The following NBAS variants were observed in gnomAD, a reference collection of about 807,000 sequenced individuals.
NBAS encodes NBAS subunit of NRZ tethering complex.
A neutral mutation model predicts 302.5 loss-of-function variants in NBAS; 219 were observed. The ratio of observed to expected loss-of-function variants is 0.72; its 90% CI spans 0.65 to 0.81. The LOEUF (loss-of-function observed/expected upper bound fraction) is 0.81. Ranked by LOEUF, NBAS falls within the 30% of genes least tolerant of loss-of-function variation. The probability of loss-of-function intolerance (pLI) is 0.00; values close to 1 mark genes in which losing one functional copy is unlikely to be tolerated. For missense variants in NBAS, 2,932 were observed against 2,841.6 expected, an observed-to-expected ratio of 1.03 and a Z score of -0.72; for synonymous variants, 1,118 against 1,021.6, an observed-to-expected ratio of 1.09 and a Z score of -1.80.
the NBAS span, among the ~76,000 whole-genome samples, chr2:14,904,819 G>A: frequency 6.6e-6 from 1 of 152,222 alleles, no homozygotes; most frequent in Non-Finnish European, 1.5e-5. Context: ...GGAGGCCGAG[G>A]CAGGCGGATC....
Position 15,210,518 on chromosome 2 carries a change from T to C in NBAS, c.6432+8255A>G, listed in dbSNP as rs530957406. ...AGAAAAAGGAATCCTCATGCACTAT[T>C]GGTTGGAATGTAAATTAGTACAAAA... On this transcript the variant is annotated intron_variant, in intron 48 of 51. Transcript: ENST00000281513. 4.6e-5 allele frequency among the ~76,000 whole-genome samples: 7 copies of C among 152,276 alleles called. No homozygotes were observed. The East Asian group carries it at 5.8e-4, about 13-fold the overall frequency.
the NBAS span, among the ~76,000 whole-genome samples, chr2:14,908,645 A>G: frequency 1.3e-5 from 2 of 152,206 alleles, no homozygotes; most frequent in Non-Finnish European, 2.9e-5. Context: ...GGAGCATGTG[A>G]CAATTAACAT....
At chr2:15,263,649 T>C (rs1668947444) in intron 44 of NBAS, among the ~76,000 whole-genome samples, 1 of 152,144 alleles carries the variant, frequency 6.6e-6, no homozygotes, top group Admixed American at 6.6e-5. Context: ...TGTTCCCATC[T>C]TTCTAATATT....
At chr2:15,310,043 T>C (rs756719956) in intron 38 of NBAS, among the ~76,000 whole-genome samples, 2 of 152,204 alleles carry the variant, frequency 1.3e-5, no homozygotes, top group South Asian at 2.1e-4. Flanking sequence ...AAGGGGATAG[T>C]ATACGAATAA....
the NBAS span, among the ~76,000 whole-genome samples, chr2:15,002,325 G>A: frequency 2.6e-5 from 4 of 152,218 alleles, no homozygotes; most frequent in East Asian, 5.8e-4. Context: ...ACACAGTGTC[G>A]ATTGGTGCAT....
the NBAS span, among the ~76,000 whole-genome samples, chr2:14,996,727 G>T: frequency 1.3e-5 from 2 of 152,200 alleles, no homozygotes; most frequent in Non-Finnish European, 2.9e-5. Context: ...CTTCCAAAGG[G>T]CAGGAAAGCA....
intron 38 of NBAS, 133 bp downstream of exon 38, chr2:15,327,617 G>T: frequency 2.9e-6 from 3 of 1,044,474 alleles, no homozygotes; most frequent in Non-Finnish European, 4.3e-6. Context: ...ATGAACGAAT[G>T]ATGATGTCAA....
At chr2:15,171,987 CTT>C (rs1004180321) in intron 51 of NBAS, among the ~76,000 whole-genome samples, 9 of 152,164 alleles carry the variant, frequency 5.9e-5, no homozygotes, top group African/African-American at 1.2e-4. Context: ...GTCTGTGGTA[CTT>C]TGTTAGGGTA....
intron 38 of NBAS, among the ~76,000 whole-genome samples, chr2:15,319,280 C>A (rs977260560): frequency 5.3e-5 from 8 of 152,184 alleles, no homozygotes; most frequent in Middle Eastern, 3.4e-3. Context: ...GCACTAAATG[C>A]CCACAAGAGA....
At chr2:15,555,078 ACAAAATAGGATTC>A (rs1664585437) in intron 3 of NBAS, among the ~76,000 whole-genome samples, 1 of 152,070 alleles carries the variant, frequency 6.6e-6, no homozygotes, top group Non-Finnish European at 1.5e-5. Context: ...ATCAGAAAAC[ACAAAATAGGATTC>A]CAAAATGTTA....
intron 9 of NBAS, among the ~76,000 whole-genome samples, chr2:15,517,930 A>C (rs1662478247): frequency 6.6e-6 from 1 of 152,188 alleles, no homozygotes; most frequent in African/African-American, 2.4e-5. Context: ...GTTTCTACTG[A>C]ATGTGTATTG....
At chr2:15,309,893 G>A (rs1671201022) in intron 38 of NBAS, among the ~76,000 whole-genome samples, 2 of 152,236 alleles carry the variant, frequency 1.3e-5, no homozygotes, top group South Asian at 4.1e-4. Flanking sequence ...AATACGGTCT[G>A]TGTTTGTACA....
At chr2:15,452,085 AG>A (rs943605368) in intron 21 of NBAS, among the ~76,000 whole-genome samples, 14 of 152,256 alleles carry the variant, frequency 9.2e-5, no homozygotes, top group African/African-American at 3.4e-4. Context: ...TGAGATACAA[AG>A]CAGAAATGTG....
chr2:15,437,267 G>A (rs137902623), intron 21 of NBAS, among the ~76,000 whole-genome samples: 376 of 152,234 alleles, frequency 2.5e-3, no homozygotes, highest in Non-Finnish European at 4.6e-3. Flanking sequence ...AGGATCACTC[G>A]TGCCCAGGAG....
At chr2:15,170,496 T>G (rs913256522) in intron 51 of NBAS, among the ~76,000 whole-genome samples, 2 of 152,168 alleles carry the variant, frequency 1.3e-5, no homozygotes, top group African/African-American at 4.8e-5. Context: ...AAGGTCTGCG[T>G]TTGCTGACCT....
In NBAS at chr2:15,235,718, A is replaced by G. The variant is rs1216104894; in HGVS notation, c.5944-971T>C. On this transcript the variant is annotated intron_variant, in intron 45 of 51. Transcript: ENST00000281513. The stretch of plus-strand genomic sequence containing the variant: ...ATGACTGAGATTTGCTTCACAATCC[A>G]CAAGAGCAAGGTGAGGGAAGGCAGC... 3.9e-5 allele frequency among the ~76,000 whole-genome samples: 6 copies of G among 152,232 alleles called. No individual in the cohort carries two copies. In the East Asian group the frequency reaches 1.2e-3, roughly 29 times the overall value.
intron 45 of NBAS, among the ~76,000 whole-genome samples, chr2:15,237,032 T>A (rs909807571): frequency 6.6e-6 from 1 of 152,196 alleles, no homozygotes; most frequent in African/African-American, 2.4e-5. Context: ...AAGGCAAGAA[T>A]ACAATTCAAT....
chr2:15,536,171 G>T (rs1430802061), intron 8 of NBAS, among the ~76,000 whole-genome samples: 2 of 152,168 alleles, frequency 1.3e-5, no homozygotes, highest in Non-Finnish European at 2.9e-5. Flanking sequence ...ACTACGAAAT[G>T]ATTAATAGCC....
intron 48 of NBAS, among the ~76,000 whole-genome samples, chr2:15,195,477 T>A (rs137969331): frequency 6.6e-6 from 1 of 152,256 alleles, no homozygotes; most frequent in East Asian, 1.9e-4. Context: ...TGGATGTGAT[T>A]ATAAAAGGGA....
Sources: allele counts gnomAD v4.1 joint callset (sites outside exome capture counted in the v4.1 genomes callset), GRCh38; gene constraint gnomAD v4.1.1; transcripts MANE v1.5; gene names NCBI Gene and HGNC (gene_info 2026-07-23, HGNC 2026-07-21).